Variants in AQP9 observed in about 807,000 individuals in gnomAD.
AQP9 encodes aquaporin-9.
Under a neutral mutation model 23.8 loss-of-function variants are expected in AQP9, and 19 were observed. The observed-to-expected ratio is 0.80, with a 90% confidence interval of 0.56 to 1.17. AQP9 has a LOEUF of 1.17. Among genes scored for constraint, AQP9 ranks in the 50% most tolerant of loss-of-function variants. The pLI is 0.00. For missense variants in AQP9, 413 were observed against 362.0 expected (o/e 1.14, Z -1.14); for synonymous variants, 153 against 131.5 (o/e 1.16, Z -1.12).
intron 2 of AQP9, among the ~76,000 whole-genome samples, chr15:58,170,933 T>TTTGTTG (rs1315839783): frequency 2.0e-5 from 3 of 151,750 alleles, no homozygotes; most frequent in African/African-American, 4.8e-5. Context: ...CCCTTGGTTT[T>TTTGTTG]TTGTTGTTGT....
chr15:58,157,703 G>T (rs189227353), intron 1 of AQP9, among the ~76,000 whole-genome samples: 3 of 152,300 alleles, frequency 2.0e-5, no homozygotes, highest in Admixed American at 2.0e-4. Context: ...AGAGAGGAAA[G>T]GGTTTAACTC....
chr15:58,138,652 G>T lies in AQP9; in HGVS notation c.87G>T (p.Glu29Asp), dbSNP rs772510173. The change falls in exon 1 of 6, where the codon GAG becomes GAT. Residue 29 changes from glutamate to aspartate, a missense_variant. Coordinates refer to ENST00000219919, the MANE Select transcript of AQP9 (RefSeq NM_020980.5). ...GCTTAGCGAAAGAAACCCTCTCTGA[G>T]TTCTTGGGCACGTTCATCTTGATTG... is the stretch of plus-strand genomic sequence containing the variant. Reference protein sequence around the residue: ...KSSLAKETLSEFLGTFILIVL... With the variant: ...KSSLAKETLSDFLGTFILIVL... 6.2e-7 allele frequency: 1 copy of T among 1,613,768 alleles called. No individual in the cohort carries two copies. The highest frequency in any genetic ancestry group is 1.1e-5 in the South Asian group (1 of 91,074).
At position 58,173,151 on chromosome 15, in the gene AQP9, G is replaced by A; in HGVS notation, c.322G>A (p.Ala108Thr). 2 of 1,614,174 alleles carry A rather than the reference G, an allele frequency of 1.2e-6. No individual in the cohort carries two copies. Among genetic ancestry groups the A allele is most frequent in the South Asian group, 1.1e-5 (1 of 91,090 alleles). ...GTTCAAATTGCCATTTTATGTGGGA[G>A]CCCAGTTCTTGGGAGCCTTTGTGGG... is the stretch of plus-strand genomic sequence containing the variant. Reference protein sequence around the residue: ...KWFKLPFYVGAQFLGAFVGAA... With the variant: ...KWFKLPFYVGTQFLGAFVGAA... Residue 108 changes from alanine to threonine, a missense_variant, in exon 3 of 6, where the codon GCC becomes ACC. Ala to Thr is a moderately conservative substitution (Grantham distance 58). Transcript: ENST00000219919.
intron 1 of AQP9, chr15:58,163,813 A>C (rs760339655): frequency 2.0e-5 from 3 of 152,158 alleles, no homozygotes; most frequent in Non-Finnish European, 4.4e-5. Flanking sequence ...CTGAACACAC[A>C]GAAGGAGAGA....
intron 3 of AQP9, 75 bp downstream of exon 3, chr15:58,173,280 C>T: frequency 1.3e-6 from 2 of 1,588,614 alleles, no homozygotes; most frequent in Non-Finnish European, 8.6e-7. Context: ...TTGGTAGGCA[C>T]AGGCGAGAAA....
At chr15:58,139,770 CT>C (rs1328396912) in intron 1 of AQP9, among the ~76,000 whole-genome samples, 5 of 152,156 alleles carry the variant, frequency 3.3e-5, no homozygotes, top group Non-Finnish European at 5.9e-5. Context: ...TTTCTGGTCT[CT>C]GAGAAACACA....
chr15:58,159,504 TTC>T (rs2140607297), intron 1 of AQP9, among the ~76,000 whole-genome samples: 1 of 152,352 alleles, frequency 6.6e-6, no homozygotes, highest in African/African-American at 2.4e-5. Context: ...TGTCTTTTCA[TTC>T]TGCTAGGAAT....
intron 1 of AQP9, among the ~76,000 whole-genome samples, chr15:58,158,216 T>C (rs190416987): frequency 1.1e-4 from 16 of 152,268 alleles, no homozygotes; most frequent in African/African-American, 3.6e-4. Context: ...CCACATCCTA[T>C]GGAAAACCTA....
At chr15:58,145,521 A>AT (rs1318574581) in intron 1 of AQP9, among the ~76,000 whole-genome samples, 26 of 151,606 alleles carry the variant, frequency 1.7e-4, no homozygotes, top group African/African-American at 5.8e-4. Flanking sequence ...ATATATATAT[A>AT]TTTTTTAACT....
intron 1 of AQP9, among the ~76,000 whole-genome samples, chr15:58,159,072 A>T (rs1898319698): frequency 6.6e-6 from 1 of 152,188 alleles, no homozygotes; most frequent in Admixed American, 6.6e-5. Context: ...ACGTGCAATA[A>T]AACCTGTGGG....
intron 1 of AQP9, among the ~76,000 whole-genome samples, chr15:58,161,686 A>G (rs1364558269): frequency 6.6e-6 from 1 of 152,160 alleles, no homozygotes; most frequent in African/African-American, 2.4e-5. Context: ...TTCTTAACCT[A>G]TTCACCCTGA....
intron 1 of AQP9, chr15:58,155,132 A>C (rs1306758471): frequency 6.6e-6 from 1 of 152,262 alleles, no homozygotes; most frequent in Non-Finnish European, 1.5e-5. Flanking sequence ...TACACATCAG[A>C]TCCCTTAACT....
chr15:58,178,041 G>A lies in AQP9; in HGVS notation c.496-1087G>A, dbSNP rs59710194. On this transcript the variant is annotated intron_variant, in intron 4 of 5. Coordinates refer to ENST00000219919, the MANE Select transcript of AQP9 (RefSeq NM_020980.5). ...TTGTCATTATTCCCTAAACAATACC[G>A]TATTCACATTATATCAGATATTATA... 9.7e-3 allele frequency among the ~76,000 whole-genome samples: 1,477 copies of A among 152,104 alleles called. 21 individuals carry two copies. The highest frequency in any genetic ancestry group is 0.031 in the African/African-American group (1,275 of 41,470).
intron 2 of AQP9, among the ~76,000 whole-genome samples, chr15:58,167,830 C>T (rs903097613): frequency 3.9e-5 from 6 of 152,116 alleles, no homozygotes; most frequent in Non-Finnish European, 7.4e-5. Context: ...TCAAGCGATT[C>T]TCCCGCCTCA....
chr15:58,152,009 G>A (rs377654589), intron 1 of AQP9: 3 of 152,188 alleles, frequency 2.0e-5, no homozygotes, highest in African/African-American at 7.2e-5. Flanking sequence ...TCCTCCATAA[G>A]CCATATAGCA....
intron 2 of AQP9, among the ~76,000 whole-genome samples, chr15:58,170,140 C>T (rs1273691431): frequency 6.6e-6 from 1 of 152,148 alleles, no homozygotes; most frequent in African/African-American, 2.4e-5. Context: ...CAATACACTG[C>T]TCTGCCTTGT....
intron 1 of AQP9, among the ~76,000 whole-genome samples, chr15:58,165,345 A>G (rs1454757917): frequency 6.6e-6 from 1 of 152,216 alleles, no homozygotes; most frequent in Non-Finnish European, 1.5e-5. Context: ...CTGATTATTC[A>G]ATGAATATGT....
intron 4 of AQP9, 133 bp downstream of exon 4, chr15:58,175,169 C>G: frequency 1.1e-6 from 1 of 872,884 alleles, no homozygotes. Flanking sequence ...TGGGCATAAC[C>G]CAAGCTTTCT....
intron 1 of AQP9, among the ~76,000 whole-genome samples, chr15:58,144,433 T>C (rs1898003688): frequency 6.6e-6 from 1 of 152,220 alleles, no homozygotes; most frequent in Admixed American, 6.5e-5. Context: ...TTCACACGCA[T>C]ATGTGGTTCT....
Sources: gnomAD v4.1 joint callset for allele counts (sites outside exome capture counted in the v4.1 genomes callset) on GRCh38, gnomAD v4.1.1 for gene constraint, MANE v1.5 for transcripts, NCBI Gene and HGNC (gene_info 2026-07-23, HGNC 2026-07-21) for gene names.